The following TET3 variants were observed in gnomAD, a reference collection of about 807,000 sequenced individuals.
The protein encoded by TET3 is tet methylcytosine dioxygenase 3.
In TET3, 19 loss-of-function variants were observed where a neutral mutation model predicts 141.4. That is an observed-to-expected ratio of 0.13 (90% confidence interval 0.09 to 0.20). The LOEUF (loss-of-function observed/expected upper bound fraction) is 0.20. Ranked by LOEUF, TET3 falls within the 10% of genes least tolerant of loss-of-function variation. The pLI, the probability that TET3 is intolerant of heterozygous loss-of-function variation, is 1.00. For synonymous variants in TET3, 1,043 were observed against 980.9 expected (o/e 1.06, Z -1.18); for missense variants, 1,874 against 2,356.9 (o/e 0.80, Z 4.24).
chr2:74,113,030 A>AC (rs1253858440), downstream of TET3, among the ~76,000 whole-genome samples: 5 of 148,362 alleles, frequency 3.4e-5, no homozygotes, highest in African/African-American at 1.0e-4. Context: ...AAAAAAAAAA[A>AC]AAAAACCCAC....
chr2:74,108,826 C>T (rs2104290885), downstream of TET3, among the ~76,000 whole-genome samples: 1 of 152,262 alleles, frequency 6.6e-6, no homozygotes, highest in South Asian at 2.1e-4. Context: ...ACAACCAGCC[C>T]AGCTGTTGAT....
chr2:74,102,362 T>C lies in TET3; in HGVS notation c.*186T>C. 1 of 865,816 alleles carries C rather than the reference T, an allele frequency of 1.2e-6. No homozygotes were observed. The highest frequency in any genetic ancestry group is 1.5e-6 in the Non-Finnish European group (1 of 660,426). The allele number at this position is 865,816 out of a possible 1,614,324, so 53.6% of individuals were successfully genotyped here. ...CCTCAGAACTGACCCGCCCCTCCCTTACCCCCACTTCCCCAGCACTTTGAA... is the reference window on the plus strand; with the variant it reads ...CCTCAGAACTGACCCGCCCCTCCCTCACCCCCACTTCCCCAGCACTTTGAA... On this transcript the variant is annotated 3_prime_UTR_variant, in exon 12 of 12. Coordinates refer to ENST00000409262, the MANE Select transcript of TET3 (RefSeq NM_001287491.2).
At position 74,048,126 on chromosome 2, in the gene TET3, A is replaced by G; in HGVS notation, c.2209A>G (p.Asn737Asp). 6.2e-7 allele frequency: 1 copy of G among 1,613,264 alleles called. No individual in the cohort carries two copies. Among genetic ancestry groups the G allele is most frequent in the Non-Finnish European group, 8.5e-7 (1 of 1,179,598 alleles). Reference protein sequence around the residue: ...PPSVPIQDPENQQTCLPAPES... With the variant: ...PPSVPIQDPEDQQTCLPAPES... Reference sequence around the variant, plus strand: ...TTCTGTGCCCATTCAGGACCCCGAGAACCAGCAAACATGTCTCCCAGCCCC... The same window carrying G: ...TTCTGTGCCCATTCAGGACCCCGAGGACCAGCAAACATGTCTCCCAGCCCC... Residue 737 changes from asparagine (N) to aspartate (D), a missense_variant, in exon 4 of 12, where the codon AAC (asparagine) becomes GAC (aspartate). Physicochemically the swap from Asn to Asp is conservative, Grantham distance 23. Coordinates refer to ENST00000409262, the MANE Select transcript of TET3 (RefSeq NM_001287491.2).
chr2:74,050,603 G>A (rs1168309076), intron 4 of TET3, among the ~76,000 whole-genome samples: 5 of 152,128 alleles, frequency 3.3e-5, no homozygotes, highest in African/African-American at 4.8e-5. Flanking sequence ...GGGCTGGAAT[G>A]CAGTGGCATG....
At chr2:74,132,746 C>A in the TET3 span, among the ~76,000 whole-genome samples, 1 of 152,136 alleles carries the variant, frequency 6.6e-6, no homozygotes. Flanking sequence ...CACTGTATGG[C>A]AGATGCCAAT....
At chr2:74,005,605 A>AC (rs1437728171) in intron 3 of TET3, among the ~76,000 whole-genome samples, 1 of 152,116 alleles carries the variant, frequency 6.6e-6, no homozygotes, top group African/African-American at 2.4e-5. Context: ...GTGAGATCAG[A>AC]CCAAGACCCT....
At chr2:74,114,853 C>CAAAAAAAA in the TET3 span, among the ~76,000 whole-genome samples, 489 of 43,852 alleles carry the variant, frequency 0.011, 76 homozygotes, top group African/African-American at 0.042. Flanking sequence ...GACTCTGTCT[C>CAAAAAAAA]AAAAAAAAAA....
In TET3 at chr2:74,101,655, AAGG is replaced by A. The variant is rs763541205; in HGVS notation, c.4873_4875del (p.Glu1625del). The A allele has an allele frequency of 2.5e-6, 4 of 1,613,552 alleles. No homozygotes were observed. Among genetic ancestry groups the A allele is most frequent in the East Asian group, 2.2e-5 (1 of 44,860 alleles). ...GGAGCCCCCCAGCAAGGGAGCGGTG[AAGG>A]AGGAGAAGGGCGGTGGTGGTGCGGA... On this transcript the variant is annotated inframe_deletion, in exon 12 of 12. Transcript: ENST00000409262. The surrounding 1 kb of genome is among the most constrained non-coding windows in gnomAD (Gnocchi z 8.5).
chr2:74,029,733 T>C (rs940162823), intron 3 of TET3, among the ~76,000 whole-genome samples: 2 of 152,252 alleles, frequency 1.3e-5, no homozygotes, highest in African/African-American at 4.8e-5. Flanking sequence ...AAGCTGTCCT[T>C]TCTGTTCCTT....
upstream of TET3, among the ~76,000 whole-genome samples, chr2:73,984,730 A>T (rs1019797740): frequency 3.3e-4 from 49 of 148,136 alleles, no homozygotes; most frequent in Non-Finnish European, 6.5e-4. This position sits in a 1 kb window ranked among gnomAD's most constrained non-coding sequence, Gnocchi z 5.6. Context: ...GCCGGGCCGG[A>T]GCCTGCCCCA....
At chr2:74,095,342 C>T (rs7589197) in intron 10 of TET3, among the ~76,000 whole-genome samples, 70,982 of 151,992 alleles carry the variant, frequency 0.47, 17,961 homozygotes, top group African/African-American at 0.66. Flanking sequence ...GTTAGAGAGA[C>T]GAAGGAGCCC....
the TET3 span, among the ~76,000 whole-genome samples, chr2:74,124,030 C>T: frequency 3.3e-5 from 5 of 151,536 alleles, no homozygotes; most frequent in Non-Finnish European, 7.4e-5. Context: ...CGGCAGCCAC[C>T]CCGTCTGGGA....
chr2:73,994,714 C>T (rs1362989242), intron 2 of TET3, among the ~76,000 whole-genome samples: 1 of 148,062 alleles, frequency 6.8e-6, no homozygotes, highest in African/African-American at 2.5e-5. Context: ...TCTCGGCTCA[C>T]TCACCCTCTG....
At chr2:74,133,192 G>A in the TET3 span, among the ~76,000 whole-genome samples, 13 of 151,642 alleles carry the variant, frequency 8.6e-5, no homozygotes, top group East Asian at 1.9e-4. Flanking sequence ...GGGATTACGC[G>A]CGTGAGCCAC....
intron 3 of TET3, among the ~76,000 whole-genome samples, chr2:74,033,716 G>A (rs1195547784): frequency 6.6e-6 from 1 of 152,200 alleles, no homozygotes. Flanking sequence ...CTAAAAAAAT[G>A]TGTACATACC....
intron 4 of TET3, 73 bp downstream of exon 4, chr2:74,048,484 G>A (rs968475987): frequency 2.7e-6 from 4 of 1,458,654 alleles, no homozygotes; most frequent in Admixed American, 2.5e-5. Context: ...TCTAGGCCCT[G>A]CCTTTCATTT....
At chr2:73,998,747 C>T (rs1013769505) in intron 2 of TET3, among the ~76,000 whole-genome samples, 10 of 151,966 alleles carry the variant, frequency 6.6e-5, no homozygotes, top group Admixed American at 5.2e-4. Context: ...GAAATTGATG[C>T]GTGGACACCG....
In TET3 at chr2:74,046,679, C is replaced by A; in HGVS notation, c.762C>A (p.Asp254Glu). Residue 254 changes from aspartate (D) to glutamate (E), a missense_variant, in exon 4 of 12, where the codon GAC becomes GAA. By Grantham distance (45) the Asp-to-Glu change is conservative. This residue lies in a region of TET3 where 366 missense variants were observed against 487.0 expected (regional missense o/e 0.75). Transcript: ENST00000409262. This position sits in a 1 kb window ranked among gnomAD's most constrained non-coding sequence, Gnocchi z 4.3. Reference protein sequence around the residue: ...EGCSAGSEDLDTLQTALALAR... With the variant: ...EGCSAGSEDLETLQTALALAR... ...GCTCTGCTGGCAGCGAAGACCTTGA[C>A]ACACTGCAGACGGCCCTGGCCCTCG... 6.2e-7 allele frequency: 1 copy of A among 1,614,056 alleles called. No individual in the cohort carries two copies. The highest frequency in any genetic ancestry group is 1.3e-5 in the African/African-American group (1 of 75,064).
At chr2:74,061,716 G>T (rs1276893063) in intron 4 of TET3, among the ~76,000 whole-genome samples, 4 of 149,300 alleles carry the variant, frequency 2.7e-5, no homozygotes, top group Admixed American at 2.0e-4. Context: ...CAGCTGCCGG[G>T]CGGAGGGGCT....
Sources: gnomAD v4.1 joint callset for allele counts (sites outside exome capture counted in the v4.1 genomes callset) on GRCh38, gnomAD v4.1.1 for gene constraint, gnomAD v4.1.1 regional missense constraint, Gnocchi (gnomAD v3.1) non-coding constraint, MANE v1.5 for transcripts, NCBI Gene and HGNC (gene_info 2026-07-23, HGNC 2026-07-21) for gene names.